IKZF1: variants seen among roughly 807,000 people sequenced by gnomAD.
IKZF1 encodes the protein IKAROS family zinc finger 1.
In IKZF1, 10 loss-of-function variants were observed where a neutral mutation model predicts 51.7. That is an observed-to-expected ratio of 0.19 (90% CI 0.12 to 0.33). The LOEUF is 0.33. Ranked by LOEUF, IKZF1 falls within the 10% of genes least tolerant of loss-of-function variation. The pLI is 1.00. For missense variants in IKZF1, 484 were observed against 707.5 expected (o/e 0.68, Z 3.58); for synonymous variants, 280 against 282.3 (o/e 0.99, Z 0.08).
At chr7:50,390,619 G>A (rs146584329) in intron 6 of IKZF1, among the ~76,000 whole-genome samples, 48 of 152,338 alleles carry the variant, frequency 3.2e-4, no homozygotes, top group African/African-American at 9.6e-4. Flanking sequence ...TCTGGATGCC[G>A]TCCATGGGCC....
intron 3 of IKZF1, among the ~76,000 whole-genome samples, chr7:50,349,006 C>G (rs1323446547): frequency 6.6e-6 from 1 of 152,190 alleles, no homozygotes; most frequent in Admixed American, 6.5e-5. Flanking sequence ...TCGCCAGCCT[C>G]CTGCTTGGTC....
At chr7:50,341,547 T>C (rs1799077022) in intron 3 of IKZF1, among the ~76,000 whole-genome samples, 1 of 152,146 alleles carries the variant, frequency 6.6e-6, no homozygotes, top group Non-Finnish European at 1.5e-5. Context: ...GGGACAGAGG[T>C]TTTACAGATG....
At chr7:50,362,921 T>C (rs1270052696) in intron 3 of IKZF1, among the ~76,000 whole-genome samples, 1 of 152,098 alleles carries the variant, frequency 6.6e-6, no homozygotes, top group Non-Finnish European at 1.5e-5. Context: ...CAGGATGTGG[T>C]GCAGGCTGGG....
intron 3 of IKZF1, among the ~76,000 whole-genome samples, chr7:50,346,561 T>C (rs1316504321): frequency 1.3e-5 from 2 of 152,244 alleles, no homozygotes; most frequent in African/African-American, 4.8e-5. Context: ...TTGCTTTTTC[T>C]TGCTGGTCTC....
chr7:50,313,659 G>A lies in IKZF1; in HGVS notation c.-14-5389G>A, dbSNP rs570456573. Among the ~76,000 whole-genome samples, 10 of 152,346 alleles carry A rather than the reference G, an allele frequency of 6.6e-5. No individual in the cohort carries two copies. The South Asian group carries it at 1.9e-3, about 28-fold the overall frequency. ...GTGTCAGCTCTGTGGTTGATTAGCT[G>A]TGTGACCTGGGGAAAGCTATTTCTC... On this transcript the variant is annotated intron_variant, in intron 1 of 7. Coordinates refer to ENST00000331340, the MANE Select transcript of IKZF1 (RefSeq NM_006060.6).
At chr7:50,387,254 CTT>C (rs1385601531) in intron 5 of IKZF1, 89 bp from the exon 6 acceptor site, 4 of 1,405,738 alleles carry the variant, frequency 2.8e-6, no homozygotes, top group Non-Finnish European at 2.8e-6. Flanking sequence ...TTTTTTTTAA[CTT>C]TTTTGGTAAT....
intron 7 of IKZF1, among the ~76,000 whole-genome samples, chr7:50,394,589 T>C (rs1816151545): frequency 6.6e-6 from 1 of 152,178 alleles, no homozygotes; most frequent in Admixed American, 6.5e-5. Flanking sequence ...TCTGTTGCCC[T>C]GCCTCCTCCC....
Position 50,401,486 on chromosome 7 carries a change from A to G in IKZF1, c.*859A>G. The G allele has an allele frequency of 4.4e-6, 1 of 224,738 alleles. No individual in the cohort carries two copies. The highest frequency in any genetic ancestry group is 8.9e-6 in the Non-Finnish European group (1 of 112,572). 13.9% of individuals were successfully genotyped at this position (224,738 alleles called of 1,614,324 possible). ...AATGGCCCCCAAAATCTGTCACTAC[A>G]ATTTAAACACCAGTCCCGAAATTTG... On this transcript the variant is annotated 3_prime_UTR_variant, in exon 8 of 8. Transcript: ENST00000331340.
At chr7:50,329,072 CAAAAAAAAAA>C (rs754431183) in intron 3 of IKZF1, 2 of 91,730 alleles carry the variant, frequency 2.2e-5, no homozygotes, top group East Asian at 7.8e-4. Flanking sequence ...GACTCCATCT[CAAAAAAAAAA>C]AAAAAAAAGA....
intron 2 of IKZF1, among the ~76,000 whole-genome samples, chr7:50,322,875 A>G (rs1215029047): frequency 6.6e-6 from 1 of 152,122 alleles, no homozygotes; most frequent in East Asian, 1.9e-4. Flanking sequence ...GTTGATCTCT[A>G]AGGTTCCTCT....
chr7:50,324,235 A>G (rs1794227973), intron 2 of IKZF1, among the ~76,000 whole-genome samples: 1 of 152,190 alleles, frequency 6.6e-6, no homozygotes, highest in African/African-American at 2.4e-5. Context: ...GTCACAGAAG[A>G]TGAGGGGCCC....
chr7:50,351,829 A>G (rs564774787), intron 3 of IKZF1, among the ~76,000 whole-genome samples: 1 of 152,134 alleles, frequency 6.6e-6, no homozygotes, highest in Non-Finnish European at 1.5e-5. Flanking sequence ...ACACTTTTGG[A>G]TGAGGACTCT....
chr7:50,379,087 C>G (rs1311892152), intron 4 of IKZF1, among the ~76,000 whole-genome samples: 1 of 152,210 alleles, frequency 6.6e-6, no homozygotes, highest in Admixed American at 6.5e-5. Flanking sequence ...CCTGAGATCT[C>G]GTGAACATAC....
intron 1 of IKZF1, among the ~76,000 whole-genome samples, chr7:50,309,820 T>A (rs1482239228): frequency 2.0e-5 from 3 of 152,018 alleles, no homozygotes. Context: ...ATGGGAAAAA[T>A]GTTTAATTTA....
chr7:50,401,990 G>A lies in IKZF1; in HGVS notation c.*1363G>A, dbSNP rs941890593. ...AATTGAGGGACTGAGCCAGACCTTC[G>A]GAGAGTAATGCCACCAGATCCCCTA... On this transcript the variant is annotated 3_prime_UTR_variant, in exon 8 of 8. Coordinates refer to ENST00000331340, the MANE Select transcript of IKZF1 (RefSeq NM_006060.6). The A allele has an allele frequency of 5.7e-5, 13 of 228,464 alleles. No individual in the cohort carries two copies. Among genetic ancestry groups the A allele is most frequent in the African/African-American group, 2.2e-4 (10 of 45,020 alleles). 14.2% of individuals were successfully genotyped at this position (228,464 alleles called of 1,614,324 possible). A position where few individuals can be genotyped will look rare whatever the true frequency, so the allele number is the denominator to read the frequency against.
rs73114989 is a variant in IKZF1, at chr7:50,401,699, G to C, written c.*1072G>C. ...TAGCCACAAGCCTGAATTTCTCAGTGTTGGTAAGTTTCTTTACCTACCCTC... is the reference window on the plus strand; with the variant it reads ...TAGCCACAAGCCTGAATTTCTCAGTCTTGGTAAGTTTCTTTACCTACCCTC... On this transcript the variant is annotated 3_prime_UTR_variant, in exon 8 of 8. Transcript: ENST00000331340. 0.021 allele frequency: 4,641 copies of C among 218,534 alleles called. 80 individuals are homozygous for C. Among genetic ancestry groups the C allele is most frequent in the Non-Finnish European group, 0.031 (3,406 of 108,766 alleles). 13.5% of individuals were successfully genotyped at this position (218,534 alleles called of 1,614,324 possible). A position where few individuals can be genotyped will look rare whatever the true frequency, so the allele number is the denominator to read the frequency against.
Position 50,391,726 on chromosome 7 carries a change from T to C in IKZF1, c.716-3T>C, listed in dbSNP as rs759629106. 17 of 1,613,762 alleles carry C rather than the reference T, an allele frequency of 1.1e-5. No individual in the cohort carries two copies. Among genetic ancestry groups the C allele is most frequent in the Middle Eastern group, 1.6e-4 (1 of 6,084 alleles). On this transcript the variant is annotated splice_polypyrimidine_tract_variant and splice_region_variant and intron_variant, in intron 6 of 7. Coordinates refer to ENST00000331340, the MANE Select transcript of IKZF1 (RefSeq NM_006060.6). ...AAACTGGCCTCTCTGTCTTTGACTT[T>C]AGTCATTAAAGAAGAAACTAATCAC... is the stretch of plus-strand genomic sequence containing the variant.
chr7:50,393,124 G>A (rs1234722717), intron 7 of IKZF1, among the ~76,000 whole-genome samples: 2 of 152,198 alleles, frequency 1.3e-5, no homozygotes, highest in Non-Finnish European at 2.9e-5. Flanking sequence ...TGTGGAGGCA[G>A]TGGCAGCAGG....
chr7:50,343,514 TC>T (rs1247377970), intron 3 of IKZF1, among the ~76,000 whole-genome samples: 4 of 152,108 alleles, frequency 2.6e-5, no homozygotes, highest in African/African-American at 9.7e-5. Flanking sequence ...ACTACACAAA[TC>T]TCTTGCATTT....
Sources: allele counts gnomAD v4.1 joint callset (sites outside exome capture counted in the v4.1 genomes callset), GRCh38; gene constraint gnomAD v4.1.1; transcripts MANE v1.5; gene names NCBI Gene and HGNC (gene_info 2026-07-23, HGNC 2026-07-21).